Variants in BABAM2 observed in about 807,000 individuals in gnomAD.
BABAM2 encodes the protein BRISC and BRCA1 A complex member 2.
A neutral mutation model predicts 54.7 loss-of-function variants in BABAM2; 31 were observed. The observed-to-expected ratio is 0.57, with a 90% CI of 0.43 to 0.77. The LOEUF is 0.77. Ranked by LOEUF, BABAM2 falls within the 30% of genes least tolerant of loss-of-function variation. The probability of loss-of-function intolerance (pLI) is 0.00; values close to 1 mark genes in which losing one functional copy is unlikely to be tolerated. For synonymous variants in BABAM2, 167 were observed against 162.9 expected (o/e 1.03, Z -0.19); for missense variants, 364 against 455.8 (o/e 0.80, Z 1.83).
intron 7 of BABAM2, among the ~76,000 whole-genome samples, chr2:28,198,283 C>T (rs916800565): frequency 1.3e-5 from 2 of 151,990 alleles, no homozygotes; most frequent in Non-Finnish European, 2.9e-5. Flanking sequence ...CCTGCCTCAG[C>T]CTCCCGAGTA....
At chr2:28,023,665 G>A (rs555829398) in intron 4 of BABAM2, among the ~76,000 whole-genome samples, 17 of 152,016 alleles carry the variant, frequency 1.1e-4, no homozygotes, top group Non-Finnish European at 2.4e-4. Context: ...CCTAAGACCC[G>A]TTTTTCCTAT....
chr2:28,027,342 C>G (rs535193220), intron 5 of BABAM2, among the ~76,000 whole-genome samples: 39 of 152,202 alleles, frequency 2.6e-4, no homozygotes, highest in African/African-American at 9.1e-4. Context: ...CATAAATTTA[C>G]CTGTTTTAAG....
intron 7 of BABAM2, among the ~76,000 whole-genome samples, chr2:28,171,513 C>T (rs752715867): frequency 6.6e-5 from 10 of 152,236 alleles, no homozygotes; most frequent in South Asian, 2.1e-4. Context: ...GTGGAGGGGA[C>T]GGGCTGTCCT....
chr2:28,091,926 A>G (rs973874938), intron 6 of BABAM2, among the ~76,000 whole-genome samples: 6 of 152,096 alleles, frequency 3.9e-5, no homozygotes, highest in African/African-American at 1.4e-4. Context: ...TCAGCTATAA[A>G]TTTCAGTCTA....
chr2:28,132,531 A>T (rs1670180150), intron 7 of BABAM2, among the ~76,000 whole-genome samples: 1 of 152,106 alleles, frequency 6.6e-6, no homozygotes, highest in African/African-American at 2.4e-5. Flanking sequence ...CTTCAGCCAG[A>T]CCTGAGCACT....
chr2:28,024,422 CTT>C (rs1675504385), intron 4 of BABAM2, among the ~76,000 whole-genome samples: 1 of 151,648 alleles, frequency 6.6e-6, no homozygotes, highest in Non-Finnish European at 1.5e-5. Context: ...AAAAAAAAGT[CTT>C]TGATGAAGTA....
intron 11 of BABAM2, among the ~76,000 whole-genome samples, chr2:28,324,665 C>T (rs573448685): frequency 6.6e-6 from 1 of 151,730 alleles, no homozygotes; most frequent in East Asian, 1.9e-4. Context: ...CGTGGTAGTG[C>T]ACTCCTGTAG....
intron 7 of BABAM2, among the ~76,000 whole-genome samples, chr2:28,208,677 A>G: frequency 7.3e-6 from 1 of 136,722 alleles, no homozygotes; most frequent in East Asian, 2.1e-4. Flanking sequence ...GCACATCTGC[A>G]TGAGTGCTCG....
chr2:28,115,269 T>A (rs991838456), intron 6 of BABAM2, among the ~76,000 whole-genome samples: 3 of 151,388 alleles, frequency 2.0e-5, no homozygotes, highest in Non-Finnish European at 4.4e-5. Flanking sequence ...TAAAAACCTG[T>A]AGGATTTTAG....
intron 3 of BABAM2, 183 bp downstream of exon 3, chr2:27,930,091 G>GAAT (rs1667984233): frequency 1.8e-6 from 1 of 560,260 alleles, no homozygotes; most frequent in African/African-American, 1.9e-5. Flanking sequence ...AGTTGGCAGG[G>GAAT]AATACGTTGT....
At chr2:27,940,785 A>G (rs973308858) in intron 3 of BABAM2, among the ~76,000 whole-genome samples, 1 of 152,226 alleles carries the variant, frequency 6.6e-6, no homozygotes, top group Non-Finnish European at 1.5e-5. Flanking sequence ...GCCCAAGGGC[A>G]GAAAGGACAG....
rs546223394 is a variant in BABAM2 at position 28,129,577 on chromosome 2, T to C, written c.680+197T>C. On this transcript the variant is annotated intron_variant, in intron 7 of 11. Transcript: ENST00000379624. ...CTTGCCACTACACCCTTTTGGCAAG[T>C]GTTATTGTGCATTTAGTGACATGAA... Among the ~76,000 whole-genome samples, 32 of 152,326 alleles carry C rather than the reference T, an allele frequency of 2.1e-4. No individual in the cohort carries two copies. In the South Asian group the frequency reaches 6.0e-3, roughly 29 times the overall value.
intron 7 of BABAM2, among the ~76,000 whole-genome samples, chr2:28,173,586 G>T (rs1674593843): frequency 6.6e-6 from 1 of 152,260 alleles, no homozygotes; most frequent in Non-Finnish European, 1.5e-5. Flanking sequence ...GTTGAGCGCA[G>T]CAGGGAGCAA....
intron 6 of BABAM2, among the ~76,000 whole-genome samples, chr2:28,066,464 T>G (rs1663589742): frequency 1.3e-5 from 2 of 152,222 alleles, no homozygotes; most frequent in South Asian, 4.1e-4. Context: ...TATCTATTGC[T>G]GCATAATACG....
chr2:28,207,887 TTTTTTGTTGTTTTTA>T (rs1261079273), intron 7 of BABAM2, among the ~76,000 whole-genome samples: 2 of 152,178 alleles, frequency 1.3e-5, no homozygotes, highest in Non-Finnish European at 2.9e-5. Flanking sequence ...GACCCTCAAT[TTTTTTGTTGTTTTTA>T]TTTTTGTTTC....
At chr2:28,077,696 C>CT (rs1664809669) in intron 6 of BABAM2, among the ~76,000 whole-genome samples, 1 of 152,020 alleles carries the variant, frequency 6.6e-6, no homozygotes, top group Admixed American at 6.6e-5. Flanking sequence ...TATTTCCTAA[C>CT]CTCCCTCTCA....
intron 6 of BABAM2, among the ~76,000 whole-genome samples, chr2:28,095,715 A>T (rs904254684): frequency 2.0e-5 from 3 of 152,324 alleles, no homozygotes; most frequent in Middle Eastern, 3.4e-3. Context: ...CAAAAATCTC[A>T]TGTAAAACAA....
In BABAM2 at chr2:28,182,652, GT is replaced by G. The variant is rs1179670523; in HGVS notation, c.680+53274del. On this transcript the variant is annotated intron_variant, in intron 7 of 11. Coordinates refer to ENST00000379624, the MANE Select transcript of BABAM2 (RefSeq NM_199191.3). The stretch of plus-strand genomic sequence containing the variant: ...CCTTGAGAAGAGGACCTGCTATGCA[GT>G]TACTGCGGACTGCAAATTCACATGT... Among the ~76,000 whole-genome samples the G allele has an allele frequency of 2.0e-5, 3 of 152,336 alleles. No individual in the cohort carries two copies. In the East Asian group the frequency reaches 5.8e-4, roughly 29 times the overall value.
intron 7 of BABAM2, among the ~76,000 whole-genome samples, chr2:28,134,010 A>G (rs1370467684): frequency 1.3e-5 from 2 of 152,182 alleles, no homozygotes; most frequent in African/African-American, 4.8e-5. Flanking sequence ...CCGGTCTCCC[A>G]CTGCGCATTT....
Sources: gnomAD v4.1 joint callset for allele counts (sites outside exome capture counted in the v4.1 genomes callset) on GRCh38, gnomAD v4.1.1 for gene constraint, MANE v1.5 for transcripts, NCBI Gene and HGNC (gene_info 2026-07-23, HGNC 2026-07-21) for gene names.